The following FILIP1 variants were observed in gnomAD, a reference collection of about 807,000 sequenced individuals.
The protein encoded by FILIP1 is filamin-A-interacting protein 1.
Under a neutral mutation model 102.1 loss-of-function variants are expected in FILIP1, and 61 were observed. The observed-to-expected ratio is 0.60, with a 90% confidence interval of 0.49 to 0.74. The LOEUF is 0.74. Among genes scored for constraint, FILIP1 ranks in the 30% least tolerant of loss-of-function variants. The pLI is 0.00. For synonymous variants in FILIP1, 491 were observed against 526.9 expected (o/e 0.93, Z 0.93); for missense variants, 1,314 against 1,441.2 (o/e 0.91, Z 1.43).
chr6:75,302,382 T>C (rs1772862704), intron 6 of FILIP1, among the ~76,000 whole-genome samples: 1 of 152,222 alleles, frequency 6.6e-6, no homozygotes, highest in Non-Finnish European at 1.5e-5. Flanking sequence ...AACAGCTCTT[T>C]CTTGCCCAAC....
intron 4 of FILIP1, among the ~76,000 whole-genome samples, chr6:75,347,049 T>C (rs947966517): frequency 2.0e-5 from 3 of 152,208 alleles, no homozygotes; most frequent in African/African-American, 7.2e-5. Context: ...GGCAACAGAA[T>C]AGGTATGCAG....
Position 75,450,792 on chromosome 6 carries a change from C to T in FILIP1, c.-6-35814G>A, listed in dbSNP as rs138727045. Among the ~76,000 whole-genome samples, 801 of 151,978 alleles carry T rather than the reference C, an allele frequency of 5.3e-3. 7 individuals are homozygous for T. The highest frequency in any genetic ancestry group is 0.019 in the African/African-American group (775 of 41,470). On this transcript the variant is annotated intron_variant, in intron 1 of 5. Transcript: ENST00000237172. Reference sequence around the variant, plus strand: ...ACAACATGGAGAAACCATGTCTCTACTAAAAATACAAAATTAGCCGGGCAT... The same window carrying T: ...ACAACATGGAGAAACCATGTCTCTATTAAAAATACAAAATTAGCCGGGCAT...
At chr6:75,465,160 T>A in intron 1 of FILIP1, 1 of 175,918 alleles carries the variant, frequency 5.7e-6, no homozygotes, top group Non-Finnish European at 1.2e-5. Flanking sequence ...GGAGCAAAAG[T>A]CCCTTACAAT....
intron 1 of FILIP1, among the ~76,000 whole-genome samples, chr6:75,416,163 A>T (rs961600989): frequency 6.6e-5 from 10 of 152,248 alleles, no homozygotes; most frequent in Non-Finnish European, 1.3e-4. Context: ...ACCCAACCAT[A>T]CTTAAGAAAC....
intron 1 of FILIP1, among the ~76,000 whole-genome samples, chr6:75,420,976 A>T (rs141138804): frequency 7.9e-4 from 120 of 152,318 alleles, no homozygotes; most frequent in Admixed American, 1.9e-3. Flanking sequence ...CAATTAAAGT[A>T]ACTAGATAAA....
chr6:75,299,600 A>G (rs900590413), intron 6 of FILIP1, among the ~76,000 whole-genome samples: 4 of 152,206 alleles, frequency 2.6e-5, no homozygotes, highest in Non-Finnish European at 5.9e-5. Flanking sequence ...TGGCTTTATC[A>G]AAGTGTACTT....
intron 6 of FILIP1, among the ~76,000 whole-genome samples, chr6:75,301,091 C>T (rs868542932): frequency 8.5e-5 from 13 of 152,182 alleles, no homozygotes; most frequent in South Asian, 2.1e-4. Context: ...ATGGTAAATA[C>T]CTAGGTTGTT....
intron 1 of FILIP1, among the ~76,000 whole-genome samples, chr6:75,447,051 A>G (rs926386658): frequency 6.6e-6 from 1 of 152,200 alleles, no homozygotes; most frequent in Non-Finnish European, 1.5e-5. Flanking sequence ...CCAAAAAAGT[A>G]GCATATTATT....
intron 4 of FILIP1, among the ~76,000 whole-genome samples, chr6:75,328,769 T>C (rs1482454886): frequency 1.3e-5 from 2 of 152,216 alleles, no homozygotes; most frequent in Non-Finnish European, 2.9e-5. Flanking sequence ...ATTACAGGCA[T>C]GAGCCACCGT....
At chr6:75,436,580 G>A (rs1423637551) in intron 1 of FILIP1, among the ~76,000 whole-genome samples, 2 of 152,052 alleles carry the variant, frequency 1.3e-5, no homozygotes, top group African/African-American at 2.4e-5. Context: ...ATAATTATAC[G>A]GTGGAGCTTT....
intron 4 of FILIP1, among the ~76,000 whole-genome samples, chr6:75,323,458 C>G (rs373367960): frequency 3.6e-4 from 55 of 152,110 alleles, no homozygotes; most frequent in Non-Finnish European, 7.4e-4. Context: ...ATATTACTAG[C>G]GAGTGACTTA....
chr6:75,491,016 G>A (rs1308082582), intron 1 of FILIP1, among the ~76,000 whole-genome samples: 3 of 151,996 alleles, frequency 2.0e-5, no homozygotes, highest in East Asian at 1.9e-4. Flanking sequence ...CCTAATAGAC[G>A]TCATAAAATT....
rs116624799 is a variant in FILIP1, at chr6:75,386,719, C to T, written c.277-23802G>A. Among the ~76,000 whole-genome samples the T allele has an allele frequency of 2.3e-3, 353 of 152,272 alleles. 2 individuals carry two copies. Among genetic ancestry groups the T allele is most frequent in the African/African-American group, 8.2e-3 (340 of 41,564 alleles). On this transcript the variant is annotated intron_variant, in intron 2 of 5. Transcript: ENST00000237172. The stretch of plus-strand genomic sequence containing the variant: ...AAGCCACAAACGAAGAAAACAATTA[C>T]GTAACTCTGATTTTGCAGCTGCTAA...
At chr6:75,459,272 T>C (rs148327534) in intron 1 of FILIP1, among the ~76,000 whole-genome samples, 437 of 152,318 alleles carry the variant, frequency 2.9e-3, no homozygotes, top group Middle Eastern at 6.8e-3. Flanking sequence ...TTTCTTAAAT[T>C]ATGAGTTGAG....
At chr6:75,473,524 GA>G (rs200443301) in intron 1 of FILIP1, among the ~76,000 whole-genome samples, 26 of 145,624 alleles carry the variant, frequency 1.8e-4, no homozygotes, top group African/African-American at 6.3e-4. Flanking sequence ...AGTGTTTCAA[GA>G]AAAAAAAAAG....
intron 1 of FILIP1, among the ~76,000 whole-genome samples, chr6:75,446,596 T>C (rs1778449004): frequency 6.6e-6 from 1 of 152,146 alleles, no homozygotes; most frequent in Non-Finnish European, 1.5e-5. Context: ...GGGTTCACAC[T>C]CCTTGACTTT....
chr6:75,356,625 C>T (rs1216079050), intron 3 of FILIP1, among the ~76,000 whole-genome samples: 2 of 152,120 alleles, frequency 1.3e-5, no homozygotes, highest in Non-Finnish European at 2.9e-5. Context: ...CCCACCACCA[C>T]ACCCAGCTAG....
At chr6:75,442,044 G>A (rs1562605352) in intron 1 of FILIP1, among the ~76,000 whole-genome samples, 1 of 151,544 alleles carries the variant, frequency 6.6e-6, no homozygotes, top group Non-Finnish European at 1.5e-5. Flanking sequence ...GGACGGGGCG[G>A]CTGCCGGGTG....
At chr6:75,456,761 T>C (rs1024411266) in intron 1 of FILIP1, among the ~76,000 whole-genome samples, 1 of 152,094 alleles carries the variant, frequency 6.6e-6, no homozygotes, top group African/African-American at 2.4e-5. Context: ...GGTTTCACCA[T>C]GTTGGCCAGG....
Sources: allele counts gnomAD v4.1 joint callset (sites outside exome capture counted in the v4.1 genomes callset), GRCh38; gene constraint gnomAD v4.1.1; transcripts MANE v1.5; gene names NCBI Gene and HGNC (gene_info 2026-07-23, HGNC 2026-07-21).